Variants in ZNF480 observed in about 807,000 individuals in gnomAD.
ZNF480 encodes zinc finger protein 480.
ZNF480 carries 15 observed loss-of-function variants against 14.4 expected under a neutral mutation model. The observed-to-expected ratio is 1.04, with a 90% CI of 0.70 to 1.60. The LOEUF (loss-of-function observed/expected upper bound fraction) is 1.60, where lower values mean the gene tolerates loss of function less well. Among genes scored for constraint, ZNF480 ranks in the 40% most tolerant of loss-of-function variants. The probability of loss-of-function intolerance (pLI) is 0.00; values close to 1 mark genes in which losing one functional copy is unlikely to be tolerated. For missense variants in ZNF480, 593 were observed against 629.7 expected (o/e 0.94, Z 0.62); for synonymous variants, 218 against 215.5 (o/e 1.01, Z -0.10).
intron 2 of ZNF480, among the ~76,000 whole-genome samples, chr19:52,307,053 A>G (rs1244480330): frequency 6.6e-6 from 1 of 152,066 alleles, no homozygotes; most frequent in Non-Finnish European, 1.5e-5. Context: ...TCTTCCTCTG[A>G]TTCCTCTTCC....
At chr19:52,299,033 A>G (rs555104827) in intron 1 of ZNF480, among the ~76,000 whole-genome samples, 36 of 152,232 alleles carry the variant, frequency 2.4e-4, no homozygotes, top group East Asian at 9.6e-4. Context: ...GAAAATGGAT[A>G]TGCAAAACTC....
intron 4 of ZNF480, among the ~76,000 whole-genome samples, chr19:52,319,728 C>T (rs1983716427): frequency 6.6e-6 from 1 of 151,124 alleles, no homozygotes; most frequent in Admixed American, 6.6e-5. Flanking sequence ...TGTTGTTGTG[C>T]TTGAGAGCAT....
chr19:52,318,630 G>GT (rs1168026913), intron 4 of ZNF480, among the ~76,000 whole-genome samples: 10 of 152,110 alleles, frequency 6.6e-5, no homozygotes, highest in African/African-American at 1.2e-4. Context: ...TTTACCTATG[G>GT]TTTTTTCTAG....
chr19:52,313,003 T>C (rs1983362410), intron 2 of ZNF480, among the ~76,000 whole-genome samples: 1 of 152,088 alleles, frequency 6.6e-6, no homozygotes, highest in African/African-American at 2.4e-5. Flanking sequence ...GTATTTTTAG[T>C]AGAGGTGGGG....
chr19:52,319,547 A>G (rs1196475345), intron 4 of ZNF480, among the ~76,000 whole-genome samples: 1 of 152,158 alleles, frequency 6.6e-6, no homozygotes, highest in Non-Finnish European at 1.5e-5. Flanking sequence ...CTTATAATGT[A>G]TCTCTGTGTG....
intron 2 of ZNF480, among the ~76,000 whole-genome samples, chr19:52,305,382 G>A (rs966455086): frequency 2.0e-5 from 3 of 152,226 alleles, no homozygotes; most frequent in African/African-American, 7.2e-5. Context: ...CACCCAGTAA[G>A]CTGCTTTGCC....
At chr19:52,319,540 A>C (rs1983708098) in intron 4 of ZNF480, among the ~76,000 whole-genome samples, 1 of 152,110 alleles carries the variant, frequency 6.6e-6, no homozygotes, top group Non-Finnish European at 1.5e-5. Context: ...TAATTTGCTT[A>C]TAATGTATCT....
intron 1 of ZNF480, among the ~76,000 whole-genome samples, chr19:52,299,872 T>C (rs937720166): frequency 2.0e-5 from 3 of 152,192 alleles, no homozygotes; most frequent in Non-Finnish European, 2.9e-5. Context: ...TTTTGTATTT[T>C]TAGTAGAGAC....
At chr19:52,311,000 G>T (rs373558441) in intron 2 of ZNF480, among the ~76,000 whole-genome samples, 3 of 97,534 alleles carry the variant, frequency 3.1e-5, no homozygotes, top group Admixed American at 1.3e-4. Context: ...GCGAGATTCC[G>T]CCTCAAAAAA....
At chr19:52,302,631 T>G (rs993527812) in intron 2 of ZNF480, among the ~76,000 whole-genome samples, 33 of 152,274 alleles carry the variant, frequency 2.2e-4, no homozygotes, top group African/African-American at 7.9e-4. Flanking sequence ...AGAAAAGGTA[T>G]CTACACATAC....
At chr19:52,312,731 G>C (rs541137564) in intron 2 of ZNF480, among the ~76,000 whole-genome samples, 126 of 152,212 alleles carry the variant, frequency 8.3e-4, no homozygotes, top group Middle Eastern at 3.4e-3. Context: ...TGTTATAGGA[G>C]TTAGTACATG....
At chr19:52,298,260 G>C (rs1382601124) in intron 1 of ZNF480, among the ~76,000 whole-genome samples, 1 of 151,976 alleles carries the variant, frequency 6.6e-6, no homozygotes, top group Non-Finnish European at 1.5e-5. Context: ...GGGATCTCAG[G>C]GTGCCAGAGA....
At chr19:52,307,821 G>C (rs1226041509) in intron 2 of ZNF480, among the ~76,000 whole-genome samples, 1 of 152,194 alleles carries the variant, frequency 6.6e-6, no homozygotes, top group Non-Finnish European at 1.5e-5. Context: ...ATTGTTTGTG[G>C]TTTGAGCAGT....
At chr19:52,320,661 C>T (rs183440636) in intron 4 of ZNF480, among the ~76,000 whole-genome samples, 8 of 152,132 alleles carry the variant, frequency 5.3e-5, no homozygotes, top group Middle Eastern at 3.4e-3. Context: ...GCATGTTGGC[C>T]GGCACCTGTA....
intron 1 of ZNF480, 48 bp downstream of exon 1, chr19:52,297,271 C>T (rs750640409): frequency 2.2e-5 from 10 of 449,886 alleles, no homozygotes; most frequent in South Asian, 7.8e-5. Context: ...AACTCCCCCG[C>T]GCTTCTGTAC....
intron 4 of ZNF480, among the ~76,000 whole-genome samples, chr19:52,317,127 C>A (rs902419797): frequency 6.6e-6 from 1 of 151,980 alleles, no homozygotes; most frequent in Non-Finnish European, 1.5e-5. Flanking sequence ...AAGCGATTCT[C>A]CTGCCTCAGC....
At chr19:52,305,469 C>T (rs952643320) in intron 2 of ZNF480, among the ~76,000 whole-genome samples, 5 of 152,156 alleles carry the variant, frequency 3.3e-5, no homozygotes, top group African/African-American at 1.2e-4. Flanking sequence ...TTGTTCGTAG[C>T]ACAGGAGCTG....
At chr19:52,312,637 C>T (rs7247178) in intron 2 of ZNF480, among the ~76,000 whole-genome samples, 82,572 of 151,936 alleles carry the variant, frequency 0.54, 22,707 homozygotes, top group Non-Finnish European at 0.59. Flanking sequence ...AGTCCTTACA[C>T]CTGGGGCGAG....
Position 52,322,622 on chromosome 19 carries a change from A to G in ZNF480, c.1372A>G (p.Ser458Gly). ...IHTGEKPYKC[S>G]ECGKAFRHKL... ...CACTGGAGAGAAGCCTTACAAATGT[A>G]GTGAATGTGGCAAGGCATTCAGACA... The change falls in exon 5 of 5, where the codon AGT (serine) becomes GGT (glycine). Residue 458 changes from serine to glycine, a missense_variant. Ser to Gly is a moderately conservative substitution (Grantham distance 56). Coordinates refer to ENST00000595962, the MANE Select transcript of ZNF480 (RefSeq NM_144684.4). The G allele has an allele frequency of 6.2e-7, 1 of 1,614,008 alleles. No individual in the cohort carries two copies. Among genetic ancestry groups the G allele is most frequent in the Non-Finnish European group, 8.5e-7 (1 of 1,179,970 alleles).
Sources: allele counts gnomAD v4.1 joint callset (sites outside exome capture counted in the v4.1 genomes callset), GRCh38; gene constraint gnomAD v4.1.1; transcripts MANE v1.5; gene names NCBI Gene and HGNC (gene_info 2026-07-23, HGNC 2026-07-21).